Variants in PLCG2 observed in about 807,000 individuals in gnomAD.
PLCG2 encodes 1-phosphatidylinositol 4,5-bisphosphate phosphodiesterase gamma-2.
A neutral mutation model predicts 175.6 loss-of-function variants in PLCG2; 69 were observed. The ratio of observed to expected loss-of-function variants is 0.39; its 90% confidence interval spans 0.32 to 0.48. The LOEUF (loss-of-function observed/expected upper bound fraction) is 0.48, where lower values mean the gene tolerates loss of function less well. PLCG2 is among the 20% of genes least tolerant of loss of function. The pLI, the probability that PLCG2 is intolerant of heterozygous loss-of-function variation, is 0.91. For synonymous variants in PLCG2, 827 were observed against 624.0 expected (o/e 1.33, Z -4.85); for missense variants, 1,798 against 1,650.9 (o/e 1.09, Z -1.54).
intron 16 of PLCG2, 64 bp downstream of exon 16, chr16:81,907,838 C>T: frequency 3.4e-6 from 4 of 1,193,946 alleles, no homozygotes; most frequent in Non-Finnish European, 4.9e-6. Flanking sequence ...CAGCCAGTCC[C>T]CGGGACCTCC....
At chr16:81,799,217 C>G (rs1911611001) in intron 2 of PLCG2, among the ~76,000 whole-genome samples, 1 of 152,170 alleles carries the variant, frequency 6.6e-6, no homozygotes, top group Non-Finnish European at 1.5e-5. Flanking sequence ...AGAAAAACAA[C>G]CCCTTAGCCC....
intron 8 of PLCG2, 82 bp from the exon 9 acceptor site, chr16:81,883,187 C>A: frequency 8.2e-7 from 1 of 1,219,346 alleles, no homozygotes; most frequent in Non-Finnish European, 1.2e-6. Flanking sequence ...GGGTGGCAGG[C>A]TGCCCCATTG....
chr16:81,812,012 T>A (rs1904339570), intron 2 of PLCG2, among the ~76,000 whole-genome samples: 1 of 150,970 alleles, frequency 6.6e-6, no homozygotes, highest in East Asian at 1.9e-4. Flanking sequence ...CCTATTTCTC[T>A]ACATCCTCTC....
intron 2 of PLCG2, among the ~76,000 whole-genome samples, chr16:81,769,798 C>A (rs1247276562): frequency 8.6e-6 from 1 of 115,830 alleles, no homozygotes; most frequent in Non-Finnish European, 1.6e-5. Context: ...CCAGCCTGGG[C>A]GACAGAGCGA....
At chr16:81,941,196 G>A (rs1440266360) in intron 30 of PLCG2, among the ~76,000 whole-genome samples, 1 of 152,116 alleles carries the variant, frequency 6.6e-6, no homozygotes, top group African/African-American at 2.4e-5. Context: ...CTGCTACTGG[G>A]CAGGAGCCCA....
At chr16:81,844,406 C>A (rs538186756) in intron 2 of PLCG2, among the ~76,000 whole-genome samples, 1 of 152,216 alleles carries the variant, frequency 6.6e-6, no homozygotes, top group East Asian at 1.9e-4. Context: ...ACCTCTGCAC[C>A]CCCACAATGG....
At chr16:81,942,749 G>A (rs1006601388) in intron 30 of PLCG2, among the ~76,000 whole-genome samples, 1 of 152,148 alleles carries the variant, frequency 6.6e-6, no homozygotes, top group African/African-American at 2.4e-5. Flanking sequence ...GACCAGAGCT[G>A]AGATTCAAAC....
rs907293017 is a variant in PLCG2, at chr16:81,846,302, C to T, written c.194-8142C>T. ...TGTGATTCATGCTCCAGACATCCCC[C>T]CGCCACTCCCTATACAGTCAGGGTG... On this transcript the variant is annotated intron_variant, in intron 2 of 32. Transcript: ENST00000564138. Among the ~76,000 whole-genome samples, 3 of 152,192 alleles carry T rather than the reference C, an allele frequency of 2.0e-5. No individual in the cohort carries two copies. The South Asian group carries it at 6.2e-4, about 31-fold the overall frequency.
At chr16:81,783,924 C>G (rs1409303505) in intron 1 of PLCG2, among the ~76,000 whole-genome samples, 1 of 152,126 alleles carries the variant, frequency 6.6e-6, no homozygotes, top group Non-Finnish European at 1.5e-5. Context: ...AGATTGAGTT[C>G]AGATGCCTGC....
At chr16:81,771,462 C>T (rs1304529303) in intron 2 of PLCG2, among the ~76,000 whole-genome samples, 1 of 152,194 alleles carries the variant, frequency 6.6e-6, no homozygotes, top group African/African-American at 2.4e-5. Context: ...AACTCTTGCT[C>T]ATCCCTCAGG....
At chr16:81,880,009 G>A (rs574927642) in intron 7 of PLCG2, among the ~76,000 whole-genome samples, 8 of 152,352 alleles carry the variant, frequency 5.3e-5, no homozygotes, top group Middle Eastern at 3.4e-3. Context: ...GGGGGCTCAG[G>A]AGGGAGCATC....
chr16:81,960,429 G>A lies in PLCG2; in HGVS notation c.*2431G>A, dbSNP rs970792649. 3 of 226,666 alleles carry A rather than the reference G, an allele frequency of 1.3e-5. No individual in the cohort carries two copies. The highest frequency in any genetic ancestry group is 5.7e-5 in the Admixed American group (1 of 17,514). 14.0% of individuals were successfully genotyped at this position (226,666 alleles called of 1,614,324 possible). A position where few individuals can be genotyped will look rare whatever the true frequency, so the allele number is the denominator to read the frequency against. On this transcript the variant is annotated 3_prime_UTR_variant, in exon 33 of 33. Transcript: ENST00000564138. ...ACCACCACTGCATATGTATTACACTGTTTTTGTTCACCATTTTCCTAAGTG... is the reference window on the plus strand; with the variant it reads ...ACCACCACTGCATATGTATTACACTATTTTTGTTCACCATTTTCCTAAGTG...
intron 16 of PLCG2, 38 bp from the exon 17 acceptor site, chr16:81,908,378 C>G (rs374345131): frequency 9.2e-5 from 146 of 1,590,098 alleles, no homozygotes; most frequent in Middle Eastern, 6.7e-4. Flanking sequence ...GGGTTTGGTC[C>G]AAGGCTTTCA....
chr16:81,882,267 C>G (rs192337144), intron 8 of PLCG2, among the ~76,000 whole-genome samples: 94 of 152,290 alleles, frequency 6.2e-4, no homozygotes, highest in African/African-American at 2.1e-3. Context: ...GCCTGCTGGC[C>G]AAGGCGGGAG....
chr16:81,829,411 T>C (rs923827871), intron 2 of PLCG2, among the ~76,000 whole-genome samples: 2 of 152,112 alleles, frequency 1.3e-5, no homozygotes, highest in Non-Finnish European at 2.9e-5. Flanking sequence ...GCCTAGCCAG[T>C]TTCACCATGT....
intron 2 of PLCG2, among the ~76,000 whole-genome samples, chr16:81,806,925 G>A (rs567353057): frequency 1.8e-4 from 27 of 152,094 alleles, no homozygotes; most frequent in African/African-American, 6.5e-4. Context: ...ACCCAGGGCT[G>A]TGGAGGCCTC....
intron 2 of PLCG2, among the ~76,000 whole-genome samples, chr16:81,810,328 G>T (rs9806938): frequency 6.6e-6 from 1 of 152,200 alleles, no homozygotes; most frequent in Non-Finnish European, 1.5e-5. Context: ...TATAGAACAC[G>T]TAACGTGGCC....
chr16:81,936,017 A>T (rs1250450636), intron 26 of PLCG2, 152 bp from the exon 27 acceptor site: 14 of 1,448,156 alleles, frequency 9.7e-6, no homozygotes, highest in Non-Finnish European at 1.3e-5. Flanking sequence ...CAGTGATACC[A>T]ATTGGGACAA....
intron 25 of PLCG2, among the ~76,000 whole-genome samples, chr16:81,933,266 G>C (rs1033842413): frequency 2.0e-5 from 3 of 152,212 alleles, no homozygotes; most frequent in South Asian, 2.1e-4. Context: ...AGTTGACGGA[G>C]TTCCCACACT....
Sources: gnomAD v4.1 joint callset for allele counts (sites outside exome capture counted in the v4.1 genomes callset) on GRCh38, gnomAD v4.1.1 for gene constraint, MANE v1.5 for transcripts, NCBI Gene and HGNC (gene_info 2026-07-23, HGNC 2026-07-21) for gene names.